The following SORCS1 variants were observed in gnomAD, a reference collection of about 807,000 sequenced individuals.
The protein encoded by SORCS1 is VPS10 domain-containing receptor SorCS1.
In SORCS1, 60 loss-of-function variants were observed where a neutral mutation model predicts 146.1. The observed-to-expected ratio is 0.41, with a 90% CI of 0.33 to 0.51. The LOEUF is 0.51. Among genes scored for constraint, SORCS1 ranks in the 20% least tolerant of loss-of-function variants. SORCS1 has a pLI of 0.21. For synonymous variants in SORCS1, 637 were observed against 584.0 expected (o/e 1.09, Z -1.31); for missense variants, 1,352 against 1,487.6 (o/e 0.91, Z 1.50).
At chr10:106,920,773 G>C (rs186353224) in intron 2 of SORCS1, among the ~76,000 whole-genome samples, 1 of 152,244 alleles carries the variant, frequency 6.6e-6, no homozygotes, top group Admixed American at 6.5e-5. Flanking sequence ...GCGCTCTTTA[G>C]AATCTCTTGC....
chr10:107,108,391 G>A (rs920274458), intron 1 of SORCS1, among the ~76,000 whole-genome samples: 4 of 152,158 alleles, frequency 2.6e-5, no homozygotes, highest in Admixed American at 6.5e-5. Context: ...TTCAATCATG[G>A]TAGAAGGCAA....
At chr10:106,588,860 C>CAAAAAAAAAA (rs778852501) in intron 24 of SORCS1, among the ~76,000 whole-genome samples, 1 of 35,092 alleles carries the variant, frequency 2.8e-5, no homozygotes, top group Non-Finnish European at 6.6e-5. Context: ...GACTCCATCT[C>CAAAAAAAAAA]AAAAAAAAAA....
chr10:107,027,396 C>T (rs1274208768), intron 1 of SORCS1, among the ~76,000 whole-genome samples: 3 of 151,960 alleles, frequency 2.0e-5, no homozygotes, highest in Non-Finnish European at 4.4e-5. Flanking sequence ...TCCTTGACAC[C>T]GACTCTATTT....
intron 3 of SORCS1, among the ~76,000 whole-genome samples, chr10:106,822,589 CAG>C (rs1295660380): frequency 6.6e-6 from 1 of 152,040 alleles, no homozygotes; most frequent in African/African-American, 2.4e-5. Flanking sequence ...AGGAAGAAAA[CAG>C]AACAATGCTT....
Position 106,987,014 on chromosome 10 carries a change from T to A in SORCS1, c.559-30434A>T, listed in dbSNP as rs11193144. 6.0e-4 allele frequency among the ~76,000 whole-genome samples: 91 copies of A among 152,360 alleles called. 1 individual carries two copies. In the East Asian group the frequency reaches 0.012, roughly 20 times the overall value. ...GGTAACATTTTCCACTTTCTCTGTATGACTAGTAATTTTTGATTGTTCATC... is the reference window on the plus strand; with the variant it reads ...GGTAACATTTTCCACTTTCTCTGTAAGACTAGTAATTTTTGATTGTTCATC... On this transcript the variant is annotated intron_variant, in intron 1 of 25. Coordinates refer to ENST00000263054, the MANE Select transcript of SORCS1 (RefSeq NM_052918.5).
chr10:107,153,249 C>T (rs1296344999), intron 1 of SORCS1, among the ~76,000 whole-genome samples: 1 of 152,080 alleles, frequency 6.6e-6, no homozygotes, highest in African/African-American at 2.4e-5. Flanking sequence ...AACATCCTTA[C>T]TGTGGCCTTA....
intron 6 of SORCS1, among the ~76,000 whole-genome samples, chr10:106,713,646 G>C (rs892386571): frequency 3.3e-4 from 50 of 152,308 alleles, no homozygotes; most frequent in African/African-American, 1.2e-3. Context: ...CAACACTGCA[G>C]AGTATACCAA....
At chr10:106,720,902 T>A (rs1855735343) in intron 6 of SORCS1, among the ~76,000 whole-genome samples, 1 of 152,056 alleles carries the variant, frequency 6.6e-6, no homozygotes, top group South Asian at 2.1e-4. Flanking sequence ...ACTGTCACTA[T>A]CAGGCTTTTC....
At chr10:107,011,729 A>G (rs17121918) in intron 1 of SORCS1, among the ~76,000 whole-genome samples, 1,890 of 152,202 alleles carry the variant, frequency 0.012, 42 homozygotes, top group African/African-American at 0.042. Flanking sequence ...TCTCCTACTT[A>G]TTTTTAACCT....
At chr10:107,007,091 C>T (rs1296439581) in intron 1 of SORCS1, among the ~76,000 whole-genome samples, 1 of 152,128 alleles carries the variant, frequency 6.6e-6, no homozygotes, top group African/African-American at 2.4e-5. Context: ...TTGTGTTAAC[C>T]TTGGTCTAAA....
At chr10:106,796,560 C>A (rs1946564579) in intron 3 of SORCS1, among the ~76,000 whole-genome samples, 4 of 152,164 alleles carry the variant, frequency 2.6e-5, no homozygotes. Flanking sequence ...ATGTAAAGGT[C>A]ATTTTCTGTA....
intron 18 of SORCS1, among the ~76,000 whole-genome samples, chr10:106,644,819 G>A (rs1227252512): frequency 1.3e-5 from 2 of 151,998 alleles, no homozygotes; most frequent in Admixed American, 6.5e-5. Context: ...CTTTTTCATT[G>A]CTGTATGACA....
chr10:106,661,082 C>A (rs1031630640), intron 17 of SORCS1, among the ~76,000 whole-genome samples: 1 of 152,094 alleles, frequency 6.6e-6, no homozygotes, highest in Non-Finnish European at 1.5e-5. Flanking sequence ...AGTATGCTCC[C>A]CGGTTCCAAA....
At chr10:106,830,321 G>T (rs997310385) in intron 2 of SORCS1, among the ~76,000 whole-genome samples, 10 of 151,888 alleles carry the variant, frequency 6.6e-5, no homozygotes, top group African/African-American at 2.4e-4. Context: ...TTATTCACTC[G>T]GATTAAATAA....
intron 1 of SORCS1, among the ~76,000 whole-genome samples, chr10:106,978,264 C>G (rs776187647): frequency 2.0e-5 from 3 of 152,076 alleles, no homozygotes; most frequent in Non-Finnish European, 4.4e-5. Context: ...TCATTTTAAC[C>G]AGCCTGGTGG....
intron 25 of SORCS1, 149 bp downstream of exon 25, chr10:106,579,220 T>C (rs1239962558): frequency 1.2e-6 from 2 of 1,614,138 alleles, no homozygotes; most frequent in Non-Finnish European, 1.7e-6. Flanking sequence ...TCATTCTGCA[T>C]CTGGGCATAA....
chr10:106,657,133 T>C (rs1850355546), intron 17 of SORCS1, among the ~76,000 whole-genome samples: 1 of 152,218 alleles, frequency 6.6e-6, no homozygotes, highest in African/African-American at 2.4e-5. Flanking sequence ...GAAGTCATTA[T>C]AGCAAAAAGA....
chr10:106,638,399 A>T (rs1564805500), intron 18 of SORCS1, among the ~76,000 whole-genome samples: 1 of 152,172 alleles, frequency 6.6e-6, no homozygotes, highest in African/African-American at 2.4e-5. Flanking sequence ...ATAAAGAAAA[A>T]AAAAGGCACG....
At chr10:106,851,446 C>G (rs1294587983) in intron 2 of SORCS1, among the ~76,000 whole-genome samples, 2 of 152,170 alleles carry the variant, frequency 1.3e-5, no homozygotes, top group African/African-American at 2.4e-5. Context: ...TGTTTCAGCA[C>G]CATTTGTTGA....
Sources: gnomAD v4.1 joint callset for allele counts (sites outside exome capture counted in the v4.1 genomes callset) on GRCh38, gnomAD v4.1.1 for gene constraint, MANE v1.5 for transcripts, NCBI Gene and HGNC (gene_info 2026-07-23, HGNC 2026-07-21) for gene names.